Variants in TM7SF3 observed in about 807,000 individuals in gnomAD.
TM7SF3 encodes seven span transmembrane protein.
Under a neutral mutation model 65.5 loss-of-function variants are expected in TM7SF3, and 60 were observed. That is an observed-to-expected ratio of 0.92 (90% CI 0.74 to 1.14). The LOEUF (loss-of-function observed/expected upper bound fraction) is 1.14. Ranked by LOEUF, TM7SF3 falls within the 50% of genes most tolerant of loss-of-function variation. The pLI is 0.00. For missense variants in TM7SF3, 623 were observed against 684.8 expected (o/e 0.91, Z 1.01); for synonymous variants, 264 against 259.6 (o/e 1.02, Z -0.16).
In TM7SF3 at chr12:26,974,063, G is replaced by C; in HGVS notation, c.1615C>G (p.Pro539Ala). The C allele has an allele frequency of 6.2e-7, 1 of 1,614,178 alleles. No individual in the cohort carries two copies. The highest frequency in any genetic ancestry group is 8.5e-7 in the Non-Finnish European group (1 of 1,180,024). The part of the protein sequence containing the change: ...TNILDPSYHI[P>A]PLRERLYGRL... Reference sequence around the variant, plus strand: ...CCATAGAGCCTCTCTCTCAATGGAGGAATGTGGTAGCTAGGGTCCAGAATG... The same window carrying C: ...CCATAGAGCCTCTCTCTCAATGGAGCAATGTGGTAGCTAGGGTCCAGAATG... The change falls in exon 12 of 12, where the codon CCT becomes GCT. Residue 539 changes from proline (P) to alanine (A), a missense_variant. Coordinates refer to ENST00000343028, the MANE Select transcript of TM7SF3 (RefSeq NM_016551.3).
At chr12:26,995,762 G>C (rs548073672) in intron 4 of TM7SF3, among the ~76,000 whole-genome samples, 1 of 152,080 alleles carries the variant, frequency 6.6e-6, no homozygotes, top group African/African-American at 2.4e-5. Flanking sequence ...TGTCATGTGT[G>C]GACACAATGA....
At position 26,972,932 on chromosome 12, in the gene TM7SF3, T is replaced by A. The variant is rs1939420084; in HGVS notation, c.*1033A>T. 6.6e-6 allele frequency among the ~76,000 whole-genome samples: 1 copy of A among 152,062 alleles called. No individual in the cohort carries two copies. The highest frequency in any genetic ancestry group is 1.5e-5 in the Non-Finnish European group (1 of 67,996). On this transcript the variant is annotated 3_prime_UTR_variant, in exon 12 of 12. Coordinates refer to ENST00000343028, the MANE Select transcript of TM7SF3 (RefSeq NM_016551.3). ...ATTCTATTATCTATATAAATTGGCC[T>A]ATTTTCAAATAATAATTTAGCTATT...
chr12:27,006,910 G>A (rs1941060259), intron 1 of TM7SF3, among the ~76,000 whole-genome samples: 1 of 152,150 alleles, frequency 6.6e-6, no homozygotes, highest in Non-Finnish European at 1.5e-5. Flanking sequence ...AAATTAATAA[G>A]AAATAAAATA....
intron 1 of TM7SF3, among the ~76,000 whole-genome samples, chr12:27,004,778 T>C (rs1445486480): frequency 6.6e-6 from 1 of 152,186 alleles, no homozygotes; most frequent in African/African-American, 2.4e-5. Flanking sequence ...AAAAAAATGA[T>C]AGAATAAAAC....
chr12:26,977,919 G>C, intron 9 of TM7SF3: 2 of 307,276 alleles, frequency 6.5e-6, no homozygotes, highest in South Asian at 5.1e-5. Context: ...AGGCAACAGT[G>C]AGACTCTGTC....
At chr12:27,008,603 C>T (rs1433108585) in intron 1 of TM7SF3, among the ~76,000 whole-genome samples, 10 of 152,152 alleles carry the variant, frequency 6.6e-5, no homozygotes. Context: ...ATACCAAGAT[C>T]ATGAAGATAC....
intron 8 of TM7SF3, 177 bp from the exon 9 acceptor site, chr12:26,980,113 G>T: frequency 1.5e-6 from 1 of 689,564 alleles, no homozygotes; most frequent in Non-Finnish European, 2.4e-6. Flanking sequence ...AGGGGTCTGG[G>T]CTGAGACAAG....
intron 9 of TM7SF3, 48 bp downstream of exon 9, chr12:26,979,735 AT>A (rs1939726545): frequency 6.2e-7 from 1 of 1,600,144 alleles, no homozygotes; most frequent in African/African-American, 1.3e-5. Context: ...ATTAGGCAGT[AT>A]TCAAACAGTC....
At position 26,996,803 on chromosome 12, in the gene TM7SF3, A is replaced by G. The variant is rs1940618008; in HGVS notation, c.457T>C (p.Leu153=). Residue 153 remains leucine (L), a synonymous_variant, in exon 4 of 12, where the codon TTG becomes CTG. Transcript: ENST00000343028. The part of the protein sequence containing the change: ...FDLDIDPNIY[L]EYNFFETTIK... ...GTCGTTTCAAAGAAATTATACTCCAAGTAAATGTTGGGATCAATATCTAAA... is the reference window on the plus strand; with the variant it reads ...GTCGTTTCAAAGAAATTATACTCCAGGTAAATGTTGGGATCAATATCTAAA... The G allele has an allele frequency of 6.2e-7, 1 of 1,613,926 alleles. No homozygotes were observed. Among genetic ancestry groups the G allele is most frequent in the Non-Finnish European group, 8.5e-7 (1 of 1,179,914 alleles).
chr12:26,995,524 T>C (rs1372372820), intron 4 of TM7SF3, 116 bp from the exon 5 acceptor site: 7 of 1,139,260 alleles, frequency 6.1e-6, no homozygotes, highest in Non-Finnish European at 8.9e-6. Context: ...ATTTAACAGT[T>C]CACCTTTTGC....
At chr12:27,010,303 AAGAC>A (rs1422568274) in intron 1 of TM7SF3, among the ~76,000 whole-genome samples, 1 of 152,256 alleles carries the variant, frequency 6.6e-6, no homozygotes, top group African/African-American at 2.4e-5. Flanking sequence ...GAAAGAAAGA[AAGAC>A]AATCAGGCAC....
chr12:26,987,480 G>T (rs184797036), intron 6 of TM7SF3, among the ~76,000 whole-genome samples: 95 of 152,248 alleles, frequency 6.2e-4, no homozygotes, highest in African/African-American at 2.3e-3. Context: ...CCACTCATGA[G>T]CCAAATCTGG....
In TM7SF3 at chr12:26,990,681, C is replaced by T. The variant is rs765250112; in HGVS notation, c.691-54G>A. The T allele has an allele frequency of 2.5e-5, 34 of 1,377,236 alleles. No individual in the cohort carries two copies. In the African/African-American group the frequency reaches 4.5e-4, roughly 18 times the overall value. The allele number at this position is 1,377,236 out of a possible 1,614,324, so 85.3% of individuals were successfully genotyped here. ...GTTTAGGGGATTTTTTTAAGCTATT[C>T]TGTGATAATCCCACCTACGTGTAAT... On this transcript the variant is annotated intron_variant, in intron 5 of 11. Coordinates refer to ENST00000343028, the MANE Select transcript of TM7SF3 (RefSeq NM_016551.3).
chr12:26,983,237 G>A lies in TM7SF3; in HGVS notation c.869-378C>T, dbSNP rs1348119548. 2.7e-5 allele frequency among the ~76,000 whole-genome samples: 4 copies of A among 146,552 alleles called. No homozygotes were observed. The South Asian group carries it at 6.7e-4, about 25-fold the overall frequency. ...ACAAAAGGTGGCAGGGAGTGGGGGGGAGGTGGTGGGGGTGGGTGGAGGGAG... is the reference window on the plus strand; with the variant it reads ...ACAAAAGGTGGCAGGGAGTGGGGGGAAGGTGGTGGGGGTGGGTGGAGGGAG... On this transcript the variant is annotated intron_variant, in intron 6 of 11. Coordinates refer to ENST00000343028, the MANE Select transcript of TM7SF3 (RefSeq NM_016551.3).
rs1247570550 is a variant in TM7SF3 at position 26,980,606 on chromosome 12, AAAG to A, written c.993_995del (p.Phe332del). 6.3e-7 allele frequency: 1 copy of A among 1,579,568 alleles called. No homozygotes were observed. Among genetic ancestry groups the A allele is most frequent in the Middle Eastern group, 1.7e-4 (1 of 6,010 alleles). ...GTGTCAGTCTTGTAATCAGTATATA[AAAG>A]AAGAATCCCATGATGATAAAGCCTA... On this transcript the variant is annotated inframe_deletion, in exon 8 of 12. Coordinates refer to ENST00000343028, the MANE Select transcript of TM7SF3 (RefSeq NM_016551.3).
chr12:27,006,956 A>G (rs963801865), intron 1 of TM7SF3, among the ~76,000 whole-genome samples: 1 of 152,226 alleles, frequency 6.6e-6, no homozygotes, highest in African/African-American at 2.4e-5. Context: ...CAGAAAGCGT[A>G]TGTGTCAGGC....
intron 3 of TM7SF3, among the ~76,000 whole-genome samples, chr12:26,999,161 C>T (rs538247897): frequency 6.6e-6 from 1 of 152,270 alleles, no homozygotes; most frequent in South Asian, 2.1e-4. Flanking sequence ...CTTTGGGAGG[C>T]TGAGGCGGGC....
At chr12:26,982,370 T>G (rs974302198) in intron 7 of TM7SF3, among the ~76,000 whole-genome samples, 22 of 152,104 alleles carry the variant, frequency 1.4e-4, no homozygotes, top group Middle Eastern at 3.2e-3. Context: ...AGAGAAGGGA[T>G]CTCACTATGT....
chr12:26,996,189 G>C (rs752263692), intron 4 of TM7SF3, among the ~76,000 whole-genome samples: 8 of 151,600 alleles, frequency 5.3e-5, no homozygotes, highest in Non-Finnish European at 8.8e-5. Flanking sequence ...TAGCAGATTT[G>C]TCATTTGTTA....
Sources: allele counts gnomAD v4.1 joint callset (sites outside exome capture counted in the v4.1 genomes callset), GRCh38; gene constraint gnomAD v4.1.1; transcripts MANE v1.5; gene names NCBI Gene and HGNC (gene_info 2026-07-23, HGNC 2026-07-21).